The following KIFC3 variants were observed in gnomAD, a reference collection of about 807,000 sequenced individuals.
KIFC3 encodes the protein kinesin family member C3, also known as kinesin-like protein KIFC3.
KIFC3 carries 60 observed loss-of-function variants against 101.8 expected under a neutral mutation model. The observed-to-expected ratio is 0.59, with a 90% confidence interval of 0.48 to 0.73. The LOEUF (loss-of-function observed/expected upper bound fraction) is 0.73. Among genes scored for constraint, KIFC3 ranks in the 30% least tolerant of loss-of-function variants. The pLI is 0.00. For synonymous variants in KIFC3, 476 were observed against 482.7 expected (o/e 0.99, Z 0.18); for missense variants, 966 against 1,137.1 (o/e 0.85, Z 2.16).
At chr16:57,802,991 C>T (rs1555626100), upstream of KIFC3, 1 of 1,535,874 alleles carries the variant, frequency 6.5e-7, no homozygotes, top group Admixed American at 2.0e-5. The surrounding 1 kb of genome is among the most constrained non-coding windows in gnomAD (Gnocchi z 5.0). Flanking sequence ...CTTACCGTGT[C>T]CTTGCACGCG....
rs901275776 is a variant in KIFC3, at chr16:57,772,238, T to C, written c.366A>G (p.Arg122=). The C allele has an allele frequency of 9.3e-6, 15 of 1,613,640 alleles. No individual in the cohort carries two copies. The Admixed American group carries it at 1.2e-4, about 13-fold the overall frequency. Residue 122 remains arginine (R), a synonymous_variant, in exon 4 of 20, where the codon CGA becomes CGG. Coordinates refer to ENST00000445690, the MANE Select transcript of KIFC3 (RefSeq NM_001130100.2). ...KLISQAQEVS[R]LRSELGGTDL... Reference sequence around the variant, plus strand: ...GTGGCCTCACCAGCTCAGATCGCAGTCGGCTCACTTCCTGGGCCTGGCTAA... The same window carrying C: ...GTGGCCTCACCAGCTCAGATCGCAGCCGGCTCACTTCCTGGGCCTGGCTAA...
rs782048769 is a variant in KIFC3 at position 57,762,173 on chromosome 16, A to G, written c.1715T>C (p.Val572Ala). The G allele has an allele frequency of 8.7e-6, 14 of 1,607,660 alleles. No homozygotes were observed. The highest frequency in any genetic ancestry group is 9.3e-6 in the Non-Finnish European group (11 of 1,177,762). Residue 572 changes from valine to alanine, a missense_variant, in exon 13 of 20, where the codon GTC becomes GCC. Around this residue, in one of 2 missense-constraint regions of KIFC3, gnomAD observed 689 missense variants for 884.6 expected, o/e 0.78. Transcript: ENST00000445690. Reference sequence around the variant, plus strand: ...CTCATTGTAGATCTCCGCAGCGCTGACGGTGATGGTGTACTCCCAGTCAGA... The same window carrying G: ...CTCATTGTAGATCTCCGCAGCGCTGGCGGTGATGGTGTACTCCCAGTCAGA... ...KASDWEYTIT[V>A]SAAEIYNEVL...
Position 57,772,255 on chromosome 16 carries a change from C to A in KIFC3, c.349G>T (p.Ala117Ser). ...EHLKEKLISQ[A>S]QEVSRLRSEL... ...GATCGCAGTCGGCTCACTTCCTGGGCCTGGCTAATGAGCTTCTCCTTCAGG... is the reference window on the plus strand; with the variant it reads ...GATCGCAGTCGGCTCACTTCCTGGGACTGGCTAATGAGCTTCTCCTTCAGG... Residue 117 changes from alanine (A) to serine (S), a missense_variant, in exon 4 of 20, where the codon GCC becomes TCC. By Grantham distance (99) the Ala-to-Ser change is moderately conservative. This residue lies in a region of KIFC3 where 277 missense variants were observed against 252.5 expected (regional missense o/e 1.10). Coordinates refer to ENST00000445690, the MANE Select transcript of KIFC3 (RefSeq NM_001130100.2). 6.2e-7 allele frequency: 1 copy of A among 1,613,820 alleles called. No homozygotes were observed. The highest frequency in any genetic ancestry group is 8.5e-7 in the Non-Finnish European group (1 of 1,179,880).
At position 57,760,923 on chromosome 16, in the gene KIFC3, C is replaced by T; in HGVS notation, c.2035G>A (p.Glu679Lys). The change falls in exon 16 of 20, where the codon GAG becomes AAG. Residue 679 changes from glutamate (E) to lysine (K), a missense_variant. Around this residue, in one of 2 missense-constraint regions of KIFC3, gnomAD observed 689 missense variants for 884.6 expected, o/e 0.78. Transcript: ENST00000445690. ...KLNLVDLAGS[E>K]RVGKSGAEGS... Reference sequence around the variant, plus strand: ...TCGGCCCCCGACTTGCCCACGCGCTCCGAGCCAGCCAAGTCCACCAGGTTC... The same window carrying T: ...TCGGCCCCCGACTTGCCCACGCGCTTCGAGCCAGCCAAGTCCACCAGGTTC... The T allele has an allele frequency of 6.2e-7, 1 of 1,607,406 alleles. No homozygotes were observed. The highest frequency in any genetic ancestry group is 8.5e-7 in the Non-Finnish European group (1 of 1,178,928).
intron 1 of KIFC3, among the ~76,000 whole-genome samples, chr16:57,821,940 G>T (rs112047630): frequency 0.011 from 1,662 of 152,120 alleles, 27 homozygotes; most frequent in African/African-American, 0.037. Context: ...GCCTGGCATG[G>T]TGGCGTATGC....
At position 57,764,628 on chromosome 16, in the gene KIFC3, G is replaced by A. The variant is rs911666555; in HGVS notation, c.1513-381C>T. Among the ~76,000 whole-genome samples, 12 of 152,368 alleles carry A rather than the reference G, an allele frequency of 7.9e-5. No homozygotes were observed. In the South Asian group the frequency reaches 8.3e-4, roughly 11 times the overall value. On this transcript the variant is annotated intron_variant, in intron 11 of 19. Transcript: ENST00000445690. ...ATAGAACCAGACATGAGAACAGGAG[G>A]GCACAGGCCTGGCAGGGCTGGCAGG...
chr16:57,802,895 T>C, upstream of KIFC3: 1 of 1,368,730 alleles, frequency 7.3e-7, no homozygotes, highest in Non-Finnish European at 1.0e-6. The surrounding 1 kb of genome is among the most constrained non-coding windows in gnomAD (Gnocchi z 5.0). Context: ...CACATACACT[T>C]CTCACGCGGG....
chr16:57,760,936 G>A lies in KIFC3; in HGVS notation c.2022C>T (p.Asp674=), dbSNP rs1555596289. ...LRTTGKLNLV[D]LAGSERVGKS... is the part of the protein sequence containing the mutation. Reference sequence around the variant, plus strand: ...TGCCCACGCGCTCCGAGCCAGCCAAGTCCACCAGGTTCAGCTTCCCTGCAG... The same window carrying A: ...TGCCCACGCGCTCCGAGCCAGCCAAATCCACCAGGTTCAGCTTCCCTGCAG... Residue 674 remains aspartate (D), a synonymous_variant, in exon 16 of 20, where the codon GAC becomes GAT. Transcript: ENST00000445690. The A allele has an allele frequency of 6.2e-7, 1 of 1,607,414 alleles. No individual in the cohort carries two copies. The highest frequency in any genetic ancestry group is 8.5e-7 in the Non-Finnish European group (1 of 1,178,810).
At position 57,798,118 on chromosome 16, in the gene KIFC3, CG is replaced by C; in HGVS notation, c.125del (p.Pro42ArgfsTer14). ...MARPAPAPAS[P>X]AARPFPHTGP... ...CGGTGTGTGGGAAAGGGCGGGCGGC[CG>C]GGCTGGCTGGGGCTGGGGCGGGGCG... On this transcript the variant is annotated frameshift_variant, in exon 2 of 20. Transcript: ENST00000445690. LOFTEE classifies it high-confidence loss of function. The C allele has an allele frequency of 6.3e-7, 1 of 1,577,422 alleles. No homozygotes were observed. The highest frequency in any genetic ancestry group is 8.6e-7 in the Non-Finnish European group (1 of 1,162,096).
In KIFC3 at chr16:57,758,612, TCCTCCACACTCCCGC is replaced by T. The variant is rs2049410436; in HGVS notation, c.*307_*321del. ...GAAAGCCTGGGTGAGAGGCCCACCCTCCTCCACACTCCCGCCCTCCTCACGGGGCCCAGTTCGCTG... is the reference window on the plus strand; with the variant it reads ...GAAAGCCTGGGTGAGAGGCCCACCCTCCTCCTCACGGGGCCCAGTTCGCTG... On this transcript the variant is annotated 3_prime_UTR_variant, in exon 20 of 20. Coordinates refer to ENST00000445690, the MANE Select transcript of KIFC3 (RefSeq NM_001130100.2). 1.4e-6 allele frequency: 1 copy of T among 691,036 alleles called. No homozygotes were observed. The allele number at this position is 691,036 out of a possible 1,614,324, so 42.8% of individuals were successfully genotyped here.
intron 1 of KIFC3, among the ~76,000 whole-genome samples, chr16:57,801,809 T>G (rs1174050806): frequency 6.6e-6 from 1 of 152,256 alleles, no homozygotes; most frequent in Non-Finnish European, 1.5e-5. Flanking sequence ...GGGGTGGTCC[T>G]GGGATCGCCC....
intron 3 of KIFC3, chr16:57,774,970 G>A: frequency 6.5e-7 from 1 of 1,532,208 alleles, no homozygotes; most frequent in Non-Finnish European, 8.7e-7. Context: ...ATGGGGCTGG[G>A]CGCACTAACC....
intron 4 of KIFC3, 53 bp downstream of exon 4, chr16:57,772,170 T>G: frequency 6.5e-6 from 10 of 1,527,654 alleles, no homozygotes; most frequent in Non-Finnish European, 8.1e-6. Context: ...AGGGCCCATC[T>G]GCACAAGGCA....
At chr16:57,837,554 G>GAAGGAAAAGAAAGAAAGAAAGAAAGA (rs71152302) in intron 1 of KIFC3, among the ~76,000 whole-genome samples, 17 of 99,916 alleles carry the variant, frequency 1.7e-4, no homozygotes, top group Non-Finnish European at 1.5e-4. Flanking sequence ...AGGAAGGAAG[G>GAAGGAAAAGAAAGAAAGAAAGAAAGA]AAGAAAGAAA....
At chr16:57,846,958 G>A (rs1045749417) in intron 1 of KIFC3, among the ~76,000 whole-genome samples, 1 of 152,094 alleles carries the variant, frequency 6.6e-6, no homozygotes, top group Non-Finnish European at 1.5e-5. Flanking sequence ...GCCAAGGTGG[G>A]CAGACCACTT....
At chr16:57,793,726 G>A (rs1050492075) in intron 3 of KIFC3, among the ~76,000 whole-genome samples, 3 of 152,022 alleles carry the variant, frequency 2.0e-5, no homozygotes, top group African/African-American at 7.3e-5. Context: ...CTACTCAGGA[G>A]GCTGAGGTAG....
chr16:57,848,173 C>T (rs1175601517), intron 1 of KIFC3, among the ~76,000 whole-genome samples: 4 of 152,182 alleles, frequency 2.6e-5, no homozygotes, highest in African/African-American at 9.7e-5. Context: ...TTGTTATTTT[C>T]TGTCTAATGC....
chr16:57,782,836 C>T (rs782456934), intron 3 of KIFC3, among the ~76,000 whole-genome samples: 4 of 152,234 alleles, frequency 2.6e-5, no homozygotes, highest in Admixed American at 6.5e-5. Context: ...ATCCTAGCTC[C>T]TCAGGAGGCT....
Position 57,769,695 on chromosome 16 carries a change from G to T in KIFC3, c.1118C>A (p.Pro373Gln). ...GTCGTTGGTGAGGGTCCGCAGTGCCGGCTGCAAGGTCAGCAAGTTGGTCCG... is the reference window on the plus strand; with the variant it reads ...GTCGTTGGTGAGGGTCCGCAGTGCCTGCTGCAAGGTCAGCAAGTTGGTCCG... ...GVRTNLLTLQ[P>Q]ALRTLTNDYN... Residue 373 changes from proline (P) to glutamine (Q), a missense_variant, in exon 9 of 20, where the codon CCG becomes CAG. This residue lies in a region of KIFC3 where 689 missense variants were observed against 884.6 expected (regional missense o/e 0.78). Transcript: ENST00000445690. The surrounding 1 kb of genome is among the most constrained non-coding windows in gnomAD (Gnocchi z 4.3). The T allele has an allele frequency of 6.2e-7, 1 of 1,612,790 alleles. No individual in the cohort carries two copies. The highest frequency in any genetic ancestry group is 2.2e-5 in the East Asian group (1 of 44,880).
Sources: gnomAD v4.1 joint callset for allele counts (sites outside exome capture counted in the v4.1 genomes callset) on GRCh38, gnomAD v4.1.1 for gene constraint, gnomAD v4.1.1 regional missense constraint, Gnocchi (gnomAD v3.1) non-coding constraint, MANE v1.5 for transcripts, NCBI Gene and HGNC (gene_info 2026-07-23, HGNC 2026-07-21) for gene names.